Variants in WDPCP observed in about 807,000 individuals in gnomAD.
The protein encoded by WDPCP is WD repeat-containing and planar cell polarity effector protein fritz homolog.
Under a neutral mutation model 93.1 loss-of-function variants are expected in WDPCP, and 71 were observed. The ratio of observed to expected loss-of-function variants is 0.76; its 90% CI spans 0.63 to 0.93. The LOEUF (loss-of-function observed/expected upper bound fraction) is 0.93. Ranked by LOEUF, WDPCP falls within the 40% of genes least tolerant of loss-of-function variation. The probability of loss-of-function intolerance (pLI) is 0.00; values close to 1 mark genes in which losing one functional copy is unlikely to be tolerated. For synonymous variants in WDPCP, 315 were observed against 315.0 expected (o/e 1.00, Z 0.00); for missense variants, 844 against 887.4 (o/e 0.95, Z 0.62).
rs148976160 is a variant in WDPCP, at chr2:63,577,126, T to C, written c.75+11071A>G. Among the ~76,000 whole-genome samples the C allele has an allele frequency of 3.1e-3, 476 of 152,364 alleles. 4 individuals are homozygous for C. The highest frequency in any genetic ancestry group is 0.011 in the African/African-American group (442 of 41,598). On this transcript the variant is annotated intron_variant, in intron 1 of 17. Coordinates refer to ENST00000272321, the MANE Select transcript of WDPCP (RefSeq NM_015910.7). ...TTTAGATGCATATTTCAACTTTTTA[T>C]ATTTAATCTGACCTAAAGTGTAATT...
At chr2:63,593,664 C>T (rs760441871), upstream of WDPCP, 2 of 471,434 alleles carry the variant, frequency 4.2e-6, no homozygotes, top group East Asian at 6.9e-5. Context: ...TACATTTACC[C>T]AGCATTATCG....
intron 6 of WDPCP, among the ~76,000 whole-genome samples, chr2:63,452,343 T>C (rs554038241): frequency 8.5e-5 from 13 of 152,240 alleles, no homozygotes; most frequent in South Asian, 2.1e-4. Flanking sequence ...CCATTCACAA[T>C]TGCTTCAAAG....
chr2:63,451,027 A>G (rs948086041), intron 6 of WDPCP, among the ~76,000 whole-genome samples: 3 of 152,094 alleles, frequency 2.0e-5, no homozygotes, highest in African/African-American at 7.2e-5. Flanking sequence ...TTTCCAGAAA[A>G]AGATTTCAAA....
intron 15 of WDPCP, among the ~76,000 whole-genome samples, chr2:63,163,367 A>C (rs1672756764): frequency 6.6e-6 from 1 of 152,180 alleles, no homozygotes; most frequent in African/African-American, 2.4e-5. Flanking sequence ...GACACATTTA[A>C]TCATATACCA....
intron 1 of WDPCP, among the ~76,000 whole-genome samples, chr2:63,535,087 A>G (rs1461925603): frequency 1.3e-5 from 2 of 152,194 alleles, no homozygotes; most frequent in East Asian, 3.8e-4. Flanking sequence ...AGAGAGCCAA[A>G]TCATGAGTGA....
intron 13 of WDPCP, among the ~76,000 whole-genome samples, chr2:63,291,078 C>G (rs898244238): frequency 4.6e-5 from 7 of 152,112 alleles, no homozygotes; most frequent in Admixed American, 1.3e-4. Flanking sequence ...TTTCTTTAGA[C>G]TGGATACTTT....
chr2:63,465,121 G>A (rs1699261143), intron 6 of WDPCP, among the ~76,000 whole-genome samples: 1 of 151,670 alleles, frequency 6.6e-6, no homozygotes, highest in Non-Finnish European at 1.5e-5. Context: ...AAACTGACAG[G>A]TTAAATTTAT....
chr2:63,443,020 T>A (rs984341032), intron 6 of WDPCP: 1 of 152,134 alleles, frequency 6.6e-6, no homozygotes, highest in African/African-American at 2.4e-5. Context: ...GAGCAGTGAT[T>A]TGGAGACTAT....
At chr2:63,215,240 T>C (rs1183043617) in intron 14 of WDPCP, among the ~76,000 whole-genome samples, 2 of 152,078 alleles carry the variant, frequency 1.3e-5, no homozygotes, top group Non-Finnish European at 2.9e-5. Context: ...AAGGCTACAG[T>C]AACCAAAACA....
intron 12 of WDPCP, among the ~76,000 whole-genome samples, chr2:63,322,900 G>C (rs1017114223): frequency 6.6e-6 from 1 of 152,200 alleles, no homozygotes; most frequent in Non-Finnish European, 1.5e-5. Context: ...TAAATACCAG[G>C]CACCTGTCGG....
chr2:63,536,137 G>C (rs1003387395), intron 1 of WDPCP, among the ~76,000 whole-genome samples: 3 of 152,168 alleles, frequency 2.0e-5, no homozygotes, highest in South Asian at 2.1e-4. Context: ...GGCCATCAGA[G>C]AAATGCAAAT....
intron 17 of WDPCP, among the ~76,000 whole-genome samples, chr2:63,122,827 T>G (rs1471064118): frequency 6.6e-6 from 1 of 152,162 alleles, no homozygotes; most frequent in Non-Finnish European, 1.5e-5. Context: ...TGGAGACATT[T>G]TACTTAAAGT....
chr2:63,495,357 C>T (rs377062520), intron 1 of WDPCP, among the ~76,000 whole-genome samples: 5 of 152,126 alleles, frequency 3.3e-5, no homozygotes, highest in South Asian at 4.1e-4. Context: ...GTTTCCAATG[C>T]AGTGTTCTTT....
intron 15 of WDPCP, among the ~76,000 whole-genome samples, chr2:63,169,763 CTTTT>C (rs1673243701): frequency 6.6e-6 from 1 of 151,744 alleles, no homozygotes; most frequent in South Asian, 2.1e-4. Context: ...TTCTCATTTT[CTTTT>C]GTTTTCCGCC....
intron 6 of WDPCP, among the ~76,000 whole-genome samples, chr2:63,461,683 T>C (rs1699020154): frequency 1.3e-5 from 2 of 152,160 alleles, no homozygotes; most frequent in African/African-American, 4.8e-5. Context: ...ATGTTATAAT[T>C]TTTAAAATTC....
intron 1 of WDPCP, among the ~76,000 whole-genome samples, chr2:63,501,739 C>T (rs1042920896): frequency 2.6e-5 from 4 of 152,138 alleles, no homozygotes; most frequent in Non-Finnish European, 2.9e-5. Flanking sequence ...GCCTCAGTCT[C>T]CCAAGTATCT....
intron 15 of WDPCP, among the ~76,000 whole-genome samples, chr2:63,162,551 T>C (rs1672714319): frequency 6.6e-6 from 1 of 152,188 alleles, no homozygotes; most frequent in Admixed American, 6.5e-5. Flanking sequence ...GGATAAATGC[T>C]AGTCTTCACT....
chr2:63,221,356 G>A (rs907232832), intron 14 of WDPCP, among the ~76,000 whole-genome samples: 1 of 152,166 alleles, frequency 6.6e-6, no homozygotes, highest in Non-Finnish European at 1.5e-5. Flanking sequence ...GTGGGATAAG[G>A]GAATAGGCTG....
rs546750656 is a variant in WDPCP at position 63,747,030 on chromosome 2, C to A, written n.308+66592G>T. On this transcript the variant is annotated intron_variant and non_coding_transcript_variant, in intron 2 of 4. Coordinates refer to the WDPCP transcript ENST00000467687. ...CTTTAAAATTTCTCTCTTTTGTACTCTTTCCCTTTATTTCTCAGACTGGCT... is the reference window on the plus strand; with the variant it reads ...CTTTAAAATTTCTCTCTTTTGTACTATTTCCCTTTATTTCTCAGACTGGCT... Among the ~76,000 whole-genome samples the A allele has an allele frequency of 1.1e-4, 17 of 152,190 alleles. No individual in the cohort carries two copies. The East Asian group carries it at 2.1e-3, about 19-fold the overall frequency.
Sources: allele counts gnomAD v4.1 joint callset (sites outside exome capture counted in the v4.1 genomes callset), GRCh38; gene constraint gnomAD v4.1.1; transcripts MANE v1.5; gene names NCBI Gene and HGNC (gene_info 2026-07-23, HGNC 2026-07-21).